SLC60A1: variants seen among roughly 807,000 people sequenced by gnomAD.
The protein encoded by SLC60A1 is solute carrier family 60 member 1, also known as major facilitator superfamily domain containing 4.
the SLC60A1 span, among the ~76,000 whole-genome samples, chr1:205,579,065 AG>A: frequency 2.6e-3 from 400 of 152,270 alleles, 3 homozygotes; most frequent in African/African-American, 8.6e-3. Flanking sequence ...TATCTGAAAA[AG>A]GGGAAGATCA....
chr1:205,599,087 T>C, the SLC60A1 span: 7 of 1,610,420 alleles, frequency 4.3e-6, no homozygotes, highest in African/African-American at 9.4e-5. Context: ...ACCTTCCACG[T>C]GAAGTTTTAA....
chr1:205,600,347 AT>A, the SLC60A1 span: 1 of 1,530,168 alleles, frequency 6.5e-7, no homozygotes, highest in Non-Finnish European at 9.0e-7. Flanking sequence ...AGAATGAATC[AT>A]CACTGCAACT....
At chr1:205,600,713 A>T in the SLC60A1 span, 6 of 477,592 alleles carry the variant, frequency 1.3e-5, no homozygotes, top group Non-Finnish European at 1.5e-5. Flanking sequence ...CCAGATACCC[A>T]GATGGGAAGG....
chr1:205,580,211 C>T, the SLC60A1 span, among the ~76,000 whole-genome samples: 70 of 152,014 alleles, frequency 4.6e-4, no homozygotes, highest in African/African-American at 1.7e-3. This position sits in a 1 kb window ranked among gnomAD's most constrained non-coding sequence, Gnocchi z 5.0. Context: ...CCTCCCCTCT[C>T]CTTCCCCTCC....
the SLC60A1 span, among the ~76,000 whole-genome samples, chr1:205,582,888 C>T: frequency 6.6e-6 from 1 of 152,202 alleles, no homozygotes; most frequent in Non-Finnish European, 1.5e-5. Context: ...GCCAGCCTGC[C>T]TCCAGGGGCA....
chr1:205,591,606 A>G, the SLC60A1 span, among the ~76,000 whole-genome samples: 1 of 151,862 alleles, frequency 6.6e-6, no homozygotes, highest in African/African-American at 2.4e-5. Context: ...ACAGCCACTG[A>G]CCCTCTCCCT....
the SLC60A1 span, among the ~76,000 whole-genome samples, chr1:205,578,692 C>CT: frequency 5.4e-5 from 5 of 92,506 alleles, no homozygotes; most frequent in Middle Eastern, 4.7e-3. Context: ...GGGCCCTCCT[C>CT]TTTTTTTTTC....
chr1:205,593,195 G>A, the SLC60A1 span, among the ~76,000 whole-genome samples: 3 of 152,056 alleles, frequency 2.0e-5, no homozygotes, highest in Non-Finnish European at 4.4e-5. Context: ...TTCTGGCCGC[G>A]CGGGGTGGCT....
the SLC60A1 span, among the ~76,000 whole-genome samples, chr1:205,578,314 G>C: frequency 6.6e-6 from 1 of 152,134 alleles, no homozygotes; most frequent in African/African-American, 2.4e-5. Flanking sequence ...GGAAAGGGAG[G>C]GGAAAGAGAG....
chr1:205,586,340 G>C, the SLC60A1 span: 1 of 1,108,984 alleles, frequency 9.0e-7, no homozygotes, highest in Non-Finnish European at 1.3e-6. Flanking sequence ...AGAGGGAAGA[G>C]AGGAGAGAGA....
At chr1:205,599,258 A>G in the SLC60A1 span, 1 of 1,613,784 alleles carries the variant, frequency 6.2e-7, no homozygotes, top group Non-Finnish European at 8.5e-7. Context: ...TCAGGTAAGG[A>G]AAGTATCTGT....
At chr1:205,597,380 T>G in the SLC60A1 span, among the ~76,000 whole-genome samples, 1,531 of 56,910 alleles carry the variant, frequency 0.027, 32 homozygotes, top group African/African-American at 0.064. Context: ...GTTGTTTTTT[T>G]TTTTTTTTTT....
chr1:205,574,546 C>G, the SLC60A1 span, among the ~76,000 whole-genome samples: 1 of 152,042 alleles, frequency 6.6e-6, no homozygotes, highest in Non-Finnish European at 1.5e-5. Flanking sequence ...CTACAACAGA[C>G]AAAGTAAAAG....
At chr1:205,579,615 C>G in the SLC60A1 span, 3 of 979,156 alleles carry the variant, frequency 3.1e-6, no homozygotes, top group East Asian at 7.4e-5. Flanking sequence ...AAGTGAGCAG[C>G]TTCTTCCTCA....
the SLC60A1 span, among the ~76,000 whole-genome samples, chr1:205,571,385 G>A: frequency 6.6e-6 from 1 of 152,202 alleles, no homozygotes; most frequent in Non-Finnish European, 1.5e-5. Context: ...CACAGGTTTG[G>A]GATGAGTAGC....
chr1:205,599,163 G>C, the SLC60A1 span: 8 of 1,614,140 alleles, frequency 5.0e-6, no homozygotes, highest in South Asian at 7.7e-5. Context: ...ATAGTTTCCT[G>C]GTCTGTGGCG....
the SLC60A1 span, among the ~76,000 whole-genome samples, chr1:205,593,990 G>A: frequency 6.6e-6 from 1 of 152,154 alleles, no homozygotes; most frequent in African/African-American, 2.4e-5. Context: ...GGGCACACTT[G>A]GTATAAATTC....
chr1:205,569,041 C>T, the SLC60A1 span: 1 of 1,431,412 alleles, frequency 7.0e-7, no homozygotes. Flanking sequence ...CTCGCCGGGA[C>T]CAGATCCGCG....
chr1:205,580,938 T>A, the SLC60A1 span: 1 of 1,610,468 alleles, frequency 6.2e-7, no homozygotes. The surrounding 1 kb of genome is among the most constrained non-coding windows in gnomAD (Gnocchi z 5.0). Context: ...GTCCCTGGGG[T>A]GGGCCAGGTA....
Sources: allele counts gnomAD v4.1 joint callset (sites outside exome capture counted in the v4.1 genomes callset), GRCh38; gene constraint gnomAD v4.1.1; non-coding constraint Gnocchi (gnomAD v3.1); transcripts MANE v1.5; gene names NCBI Gene and HGNC (gene_info 2026-07-23, HGNC 2026-07-21).